DCAF6: variants seen among roughly 807,000 people sequenced by gnomAD.
The protein encoded by DCAF6 is DDB1 and CUL4 associated factor 6, also known as DDB1- and CUL4-associated factor 6.
DCAF6 carries 54 observed loss-of-function variants against 125.1 expected under a neutral mutation model. The observed-to-expected ratio is 0.43, with a 90% confidence interval of 0.35 to 0.54. The LOEUF is 0.54. DCAF6 is among the 20% of genes least tolerant of loss of function. DCAF6 has a pLI of 0.01. For missense variants in DCAF6, 934 were observed against 1,161.7 expected, an observed-to-expected ratio of 0.80 and a Z score of 2.85; for synonymous variants, 371 against 390.4, an observed-to-expected ratio of 0.95 and a Z score of 0.58.
rs770117727 is a variant in DCAF6 at position 168,038,480 on chromosome 1, A to G, written c.1719A>G (p.Thr573=). ...TTTSTIKLNF[T]DEWSSIASSS... ...CAAGCACAATAAAACTGAACTTTACAGATGAATGGTAAGTTAATATTTTTG... is the reference window on the plus strand; with the variant it reads ...CAAGCACAATAAAACTGAACTTTACGGATGAATGGTAAGTTAATATTTTTG... Residue 573 remains threonine, a synonymous_variant, in exon 13 of 22, where the codon ACA becomes ACG. Transcript: ENST00000367840. The G allele has an allele frequency of 1.9e-6, 3 of 1,585,658 alleles. No homozygotes were observed. Among genetic ancestry groups the G allele is most frequent in the Non-Finnish European group, 8.6e-7 (1 of 1,166,640 alleles).
At chr1:167,944,446 G>A (rs1002792380) in intron 1 of DCAF6, among the ~76,000 whole-genome samples, 34 of 152,186 alleles carry the variant, frequency 2.2e-4, no homozygotes, top group African/African-American at 7.9e-4. Context: ...GTATATAAGA[G>A]TTCCCTTTTT....
chr1:168,037,547 T>G (rs1312861123), intron 12 of DCAF6, among the ~76,000 whole-genome samples: 2 of 152,236 alleles, frequency 1.3e-5, no homozygotes, highest in Non-Finnish European at 2.9e-5. Context: ...TGTTTAATTA[T>G]GTCTTTGCAT....
chr1:167,992,586 G>A (rs891122684), intron 6 of DCAF6, among the ~76,000 whole-genome samples: 1 of 152,208 alleles, frequency 6.6e-6, no homozygotes, highest in African/African-American at 2.4e-5. Context: ...TTGACATTTT[G>A]AGCATGATAA....
intron 1 of DCAF6, 144 bp downstream of exon 1, chr1:167,937,152 C>G (rs1451813170): frequency 1.5e-6 from 1 of 674,436 alleles, no homozygotes; most frequent in Non-Finnish European, 2.6e-6. Flanking sequence ...CCTTGGTTGC[C>G]GAATTCCGTG....
rs773893367 is a variant in DCAF6 at position 167,974,959 on chromosome 1, G to T, written c.382G>T (p.Asp128Tyr). Residue 128 changes from aspartate to tyrosine, a missense_variant, in exon 4 of 22, where the codon GAT becomes TAT. Asp to Tyr is a radical substitution (Grantham distance 160). Around this residue, in one of 5 missense-constraint regions of DCAF6, gnomAD observed 309 missense variants for 381.2 expected, o/e 0.81. Coordinates refer to ENST00000367840, the MANE Select transcript of DCAF6 (RefSeq NM_001198956.2). ...AATATTTTATACCAACGTTGAGCAA[G>T]ATGCAGAAACCAACAGACAATGCCA... ...GVIFYTNVEQ[D>Y]AETNRQCQFT... 4 of 1,609,078 alleles carry T rather than the reference G, an allele frequency of 2.5e-6. No homozygotes were observed. The South Asian group carries it at 4.5e-5, about 18-fold the overall frequency.
intron 17 of DCAF6, among the ~76,000 whole-genome samples, chr1:168,057,056 C>T (rs1690963285): frequency 6.6e-6 from 1 of 152,108 alleles, no homozygotes; most frequent in Non-Finnish European, 1.5e-5. Context: ...TAAGTCATTT[C>T]ATTCCTGGTC....
chr1:168,054,595 AT>A (rs1461993160), intron 17 of DCAF6, among the ~76,000 whole-genome samples: 1 of 152,142 alleles, frequency 6.6e-6, no homozygotes, highest in Non-Finnish European at 1.5e-5. Context: ...TAAAATGTTT[AT>A]TTTTTAATAA....
chr1:167,896,639 T>G, the DCAF6 span: 1 of 1,613,836 alleles, frequency 6.2e-7, no homozygotes, highest in Non-Finnish European at 8.5e-7. Flanking sequence ...GGTCGTACAC[T>G]TTGTGAAAAA....
intron 4 of DCAF6, among the ~76,000 whole-genome samples, chr1:167,983,991 G>A (rs149259351): frequency 2.6e-5 from 4 of 152,272 alleles, no homozygotes; most frequent in African/African-American, 7.2e-5. Flanking sequence ...CAGTGGCTGC[G>A]AAGTTACTGT....
the DCAF6 span, among the ~76,000 whole-genome samples, chr1:167,891,613 G>T: frequency 1.4e-5 from 2 of 147,288 alleles, no homozygotes; most frequent in African/African-American, 5.1e-5. Context: ...CCAAGATTGC[G>T]CCACTGCACT....
At chr1:168,014,562 T>C (rs917538470) in intron 10 of DCAF6, among the ~76,000 whole-genome samples, 3 of 152,204 alleles carry the variant, frequency 2.0e-5, no homozygotes, top group Admixed American at 6.5e-5. Context: ...ACCTAATTTC[T>C]CCACTTGGAT....
chr1:168,016,033 C>T, intron 11 of DCAF6, 82 bp downstream of exon 11: 3 of 1,212,504 alleles, frequency 2.5e-6, no homozygotes, highest in Non-Finnish European at 3.2e-6. Context: ...CTTCCCTTTT[C>T]CCATTCAAAA....
At chr1:167,925,522 T>G in the DCAF6 span, among the ~76,000 whole-genome samples, 512 of 142,300 alleles carry the variant, frequency 3.6e-3, 1 homozygote, top group Non-Finnish European at 6.5e-3. Context: ...CAAACAACGT[T>G]TTTTTTTTTT....
chr1:168,043,110 G>T lies in DCAF6; in HGVS notation c.1813G>T (p.Val605Leu). 1 of 1,612,834 alleles carries T rather than the reference G, an allele frequency of 6.2e-7. No homozygotes were observed. Among genetic ancestry groups the T allele is most frequent in the Non-Finnish European group, 8.5e-7 (1 of 1,179,302 alleles). Residue 605 changes from valine to leucine, a missense_variant, in exon 14 of 22, where the codon GTG (valine) becomes TTG (leucine). Transcript: ENST00000367840. ...QEESFVPQSS[V>L]QPPEGDSETK... The stretch of plus-strand genomic sequence containing the variant: ...GGAATCTTTCGTCCCACAGAGCTCA[G>T]TGCAACCACCAGAAGGAGACAGTGA...
chr1:167,894,959 C>A, the DCAF6 span, among the ~76,000 whole-genome samples: 18 of 152,088 alleles, frequency 1.2e-4, no homozygotes, highest in African/African-American at 4.1e-4. Flanking sequence ...CCAAGGCAGG[C>A]GGATCATGAG....
intron 14 of DCAF6, among the ~76,000 whole-genome samples, chr1:168,043,526 C>T (rs1295943856): frequency 6.6e-6 from 1 of 152,050 alleles, no homozygotes; most frequent in Non-Finnish European, 1.5e-5. Context: ...AAACAAGTTA[C>T]GAGTGAATCT....
At chr1:167,899,779 C>A in the DCAF6 span, 1 of 758,302 alleles carries the variant, frequency 1.3e-6, no homozygotes. Flanking sequence ...TTATGGCATA[C>A]CTCTTTTGGG....
chr1:168,027,845 A>G (rs1409282260), intron 12 of DCAF6, among the ~76,000 whole-genome samples: 2 of 152,148 alleles, frequency 1.3e-5, no homozygotes, highest in African/African-American at 4.8e-5. Context: ...TCACAATTTG[A>G]TAGAAGTATG....
In DCAF6 at chr1:168,055,344, T is replaced by G. The variant is rs952307894; in HGVS notation, c.2300+4411T>G. ...AATCAGGCTTAAGTTTTTTTTTTTT[T>G]TTTTTTTTTTTTTTTTAACGAAGAA... On this transcript the variant is annotated intron_variant, in intron 17 of 21. Transcript: ENST00000367840. Among the ~76,000 whole-genome samples the G allele has an allele frequency of 1.1e-3, 40 of 37,510 alleles. 2 individuals are homozygous for G. The South Asian group carries it at 0.011, about 10-fold the overall frequency. 24.6% of individuals were successfully genotyped at this position (37,510 alleles called of 152,430 possible).
Sources: allele counts gnomAD v4.1 joint callset (sites outside exome capture counted in the v4.1 genomes callset), GRCh38; gene constraint gnomAD v4.1.1; regional missense constraint gnomAD v4.1.1; transcripts MANE v1.5; gene names NCBI Gene and HGNC (gene_info 2026-07-23, HGNC 2026-07-21).